INVS: variants seen among roughly 807,000 people sequenced by gnomAD.
The protein encoded by INVS is inversin.
Under a neutral mutation model 108.8 loss-of-function variants are expected in INVS, and 86 were observed. The observed-to-expected ratio is 0.79, with a 90% CI of 0.66 to 0.95. The LOEUF is 0.95. Among genes scored for constraint, INVS ranks in the 40% least tolerant of loss-of-function variants. The probability of loss-of-function intolerance (pLI) is 0.00; values close to 1 mark genes in which losing one functional copy is unlikely to be tolerated. For synonymous variants in INVS, 455 were observed against 473.5 expected (o/e 0.96, Z 0.51); for missense variants, 1,169 against 1,297.4 (o/e 0.90, Z 1.52).
At chr9:100,298,337 A>G in intron 16 of INVS, 4 of 985,022 alleles carry the variant, frequency 4.1e-6, no homozygotes, top group Non-Finnish European at 4.8e-6. Flanking sequence ...TCCTTGTTCC[A>G]TTTTGGTGTC....
intron 8 of INVS, among the ~76,000 whole-genome samples, chr9:100,247,649 G>T (rs945370423): frequency 2.2e-5 from 3 of 133,606 alleles, no homozygotes; most frequent in African/African-American, 9.1e-5. Context: ...TAGGGAGAGA[G>T]AAGGGAGGGG....
chr9:100,100,908 T>TA (rs1826921097), intron 1 of INVS, among the ~76,000 whole-genome samples: 1 of 51,764 alleles, frequency 1.9e-5, no homozygotes, highest in Non-Finnish European at 3.1e-5. Context: ...TATATGTATA[T>TA]ATATTATATG....
rs34605590 is a variant in INVS, at chr9:100,272,333, C to CT, written c.1572-523dup. Among the ~76,000 whole-genome samples, 545 of 152,090 alleles carry CT rather than the reference C, an allele frequency of 3.6e-3. 1 individual carries two copies. The highest frequency in any genetic ancestry group is 0.012 in the African/African-American group (502 of 41,488). The stretch of plus-strand genomic sequence containing the variant: ...GTATAAAATGTGGTTATAAGAATCT[C>CT]TTTTTTTTCCCCAGATGGCTACCTG... On this transcript the variant is annotated intron_variant, in intron 11 of 16. Transcript: ENST00000262457.
intron 12 of INVS, among the ~76,000 whole-genome samples, chr9:100,282,813 G>GTA (rs142880174): frequency 0.17 from 26,482 of 152,088 alleles, 2,737 homozygotes; most frequent in African/African-American, 0.29. Context: ...CCATCTAGTG[G>GTA]TATAGTGAAC....
intron 3 of INVS, among the ~76,000 whole-genome samples, chr9:100,212,987 A>G (rs1174893897): frequency 6.6e-6 from 1 of 152,126 alleles, no homozygotes; most frequent in African/African-American, 2.4e-5. Context: ...GCACCAGCAG[A>G]TTCTGTGTCT....
At chr9:100,173,204 A>G (rs1448826803) in intron 3 of INVS, among the ~76,000 whole-genome samples, 2 of 152,228 alleles carry the variant, frequency 1.3e-5, no homozygotes, top group South Asian at 4.1e-4. Flanking sequence ...AACTCTGAAC[A>G]AAATATAAAA....
chr9:100,288,335 AGGC>A (rs1298361055), intron 13 of INVS, among the ~76,000 whole-genome samples: 1 of 152,076 alleles, frequency 6.6e-6, no homozygotes, highest in Non-Finnish European at 1.5e-5. Flanking sequence ...GGGGCCCCAG[AGGC>A]TTCTTTTTGA....
At chr9:100,146,585 G>C (rs916508332) in intron 3 of INVS, among the ~76,000 whole-genome samples, 1 of 152,144 alleles carries the variant, frequency 6.6e-6, no homozygotes, top group African/African-American at 2.4e-5. Context: ...GCTGTCACAT[G>C]TATCAGTACT....
At chr9:100,253,453 T>C (rs1019413367) in intron 10 of INVS, among the ~76,000 whole-genome samples, 9 of 152,102 alleles carry the variant, frequency 5.9e-5, no homozygotes, top group East Asian at 1.9e-4. Context: ...CTAGGGTACA[T>C]GTGCACAACG....
At chr9:100,148,245 A>G (rs1043507886) in intron 3 of INVS, among the ~76,000 whole-genome samples, 1 of 152,186 alleles carries the variant, frequency 6.6e-6, no homozygotes, top group South Asian at 2.1e-4. Flanking sequence ...TAAGAAACTA[A>G]TAAAATAATT....
chr9:100,277,358 G>T (rs1231987796), intron 12 of INVS, among the ~76,000 whole-genome samples: 1 of 152,160 alleles, frequency 6.6e-6, no homozygotes, highest in Non-Finnish European at 1.5e-5. Context: ...TTAATGGTTG[G>T]CCCATGTGTC....
chr9:100,188,597 A>G (rs1830122497), intron 3 of INVS, among the ~76,000 whole-genome samples: 1 of 147,462 alleles, frequency 6.8e-6, no homozygotes, highest in Non-Finnish European at 1.5e-5. Flanking sequence ...GGGTTTTTGC[A>G]TCCATGTTCA....
At position 100,301,746 on chromosome 9, in the gene INVS, C is replaced by T. The variant is rs563986484; in HGVS notation, c.*1072C>T. Among the ~76,000 whole-genome samples the T allele has an allele frequency of 3.4e-5, 5 of 148,840 alleles. No individual in the cohort carries two copies. Among genetic ancestry groups the T allele is most frequent in the Non-Finnish European group, 6.0e-5 (4 of 66,480 alleles). ...CAGATCAGTGCCACTTCTGTGCTAA[C>T]GGTAAGAGATAGACAGATAGGCAAT... is the stretch of plus-strand genomic sequence containing the variant. On this transcript the variant is annotated 3_prime_UTR_variant, in exon 17 of 17. Transcript: ENST00000262457.
At chr9:100,289,721 T>A (rs1341612066) in intron 13 of INVS, among the ~76,000 whole-genome samples, 1 of 152,212 alleles carries the variant, frequency 6.6e-6, no homozygotes, top group Admixed American at 6.5e-5. Flanking sequence ...AGCAGTACTC[T>A]TGAGAGAAGG....
rs760093399 is a variant in INVS, at chr9:100,252,992, G to T, written c.1320G>T (p.Gln440His). 2.5e-6 allele frequency: 4 copies of T among 1,613,952 alleles called. No individual in the cohort carries two copies. Among genetic ancestry groups the T allele is most frequent in the Non-Finnish European group, 3.4e-6 (4 of 1,179,890 alleles). ...AALGGNADVC[Q>H]ILIENKINPN... ...TGGGAGGAAATGCTGATGTTTGCCA[G>T]ATATTAATAGAAAATAAGATCAATC... Residue 440 changes from glutamine (Q) to histidine (H), a missense_variant, in exon 10 of 17, where the codon CAG becomes CAT. Coordinates refer to ENST00000262457, the MANE Select transcript of INVS (RefSeq NM_014425.5).
In INVS at chr9:100,292,754, AACAAAGTGAC is replaced by A; in HGVS notation, c.2502_2511del (p.Val835ProfsTer18). On this transcript the variant is annotated frameshift_variant, in exon 14 of 17. Transcript: ENST00000262457. LOFTEE classifies it high-confidence loss of function. Reference sequence around the variant, plus strand: ...TCCTCCCCACCATCGTACACCAAGAAACAAAGTGACACAAGCCAAGCTCACAGGAGGGCTC... The same window carrying A: ...TCCTCCCCACCATCGTACACCAAGAAACAAGCCAAGCTCACAGGAGGGCTC... 6.2e-7 allele frequency: 1 copy of A among 1,614,120 alleles called. No homozygotes were observed. The highest frequency in any genetic ancestry group is 8.5e-7 in the Non-Finnish European group (1 of 1,179,992).
chr9:100,255,900 C>A (rs180982238), intron 10 of INVS, among the ~76,000 whole-genome samples: 9 of 152,254 alleles, frequency 5.9e-5, no homozygotes, highest in African/African-American at 2.2e-4. Context: ...CTCTGCCAGG[C>A]TTTGGTATCA....
At chr9:100,146,960 T>C (rs189885325) in intron 3 of INVS, among the ~76,000 whole-genome samples, 5 of 152,266 alleles carry the variant, frequency 3.3e-5, no homozygotes, top group Admixed American at 2.6e-4. Context: ...CATCAACTTA[T>C]GGTACTGTAT....
chr9:100,213,021 A>G (rs887294986), intron 3 of INVS, among the ~76,000 whole-genome samples: 12 of 152,162 alleles, frequency 7.9e-5, no homozygotes, highest in African/African-American at 2.4e-4. Context: ...TTCCTGGTTC[A>G]TAGATGGCTG....
Sources: allele counts gnomAD v4.1 joint callset (sites outside exome capture counted in the v4.1 genomes callset), GRCh38; gene constraint gnomAD v4.1.1; transcripts MANE v1.5; gene names NCBI Gene and HGNC (gene_info 2026-07-23, HGNC 2026-07-21).